Variants in DOT1L observed in about 807,000 individuals in gnomAD.
DOT1L encodes DOT1 like histone lysine methyltransferase, also known as histone-lysine N-methyltransferase, H3 lysine-79 specific.
Under a neutral mutation model 153.3 loss-of-function variants are expected in DOT1L, and 33 were observed. That is an observed-to-expected ratio of 0.22 (90% CI 0.16 to 0.29). DOT1L has a LOEUF of 0.29. Among genes scored for constraint, DOT1L ranks in the 10% least tolerant of loss-of-function variants. The pLI is 1.00. For synonymous variants in DOT1L, 1,135 were observed against 965.1 expected, an observed-to-expected ratio of 1.18 and a Z score of -3.26; for missense variants, 1,847 against 2,119.9, an observed-to-expected ratio of 0.87 and a Z score of 2.53.
intron 14 of DOT1L, 28 bp downstream of exon 14, chr19:2,210,883 G>A (rs771168856): frequency 6.8e-6 from 11 of 1,607,198 alleles, no homozygotes; most frequent in South Asian, 2.2e-5. Flanking sequence ...CACGGCCCCC[G>A]CTCTCCCCGA....
At position 2,207,297 on chromosome 19, in the gene DOT1L, T is replaced by C. The variant is rs910134114; in HGVS notation, c.857-277T>C. Among the ~76,000 whole-genome samples the C allele has an allele frequency of 2.6e-5, 4 of 152,216 alleles. No homozygotes were observed. Among genetic ancestry groups the C allele is most frequent in the Admixed American group, 6.5e-5 (1 of 15,282 alleles). On this transcript the variant is annotated intron_variant, in intron 10 of 27. Transcript: ENST00000398665. The surrounding 1 kb of genome is among the most constrained non-coding windows in gnomAD (Gnocchi z 4.5). The stretch of plus-strand genomic sequence containing the variant: ...GCTGGCCGTTCTTGCAGCCGTGATC[T>C]AAGTCGCTTCCAGATCTTCTCCCCC...
At chr19:2,215,399 G>A (rs2023861461) in intron 19 of DOT1L, 2 of 152,298 alleles carry the variant, frequency 1.3e-5, no homozygotes, top group African/African-American at 4.8e-5. Flanking sequence ...GTGCTGGTGG[G>A]CGGTGCCCAC....
At position 2,230,821 on chromosome 19, in the gene DOT1L, C is replaced by T. The variant is rs183086024; in HGVS notation, c.*1029C>T. The T allele has an allele frequency of 3.7e-4, 139 of 373,608 alleles. No homozygotes were observed. In the Middle Eastern group the frequency reaches 8.7e-3, roughly 23 times the overall value. 23.1% of individuals were successfully genotyped at this position (373,608 alleles called of 1,614,324 possible). On this transcript the variant is annotated 3_prime_UTR_variant, in exon 28 of 28. Transcript: ENST00000398665. ...GCCCCGACCCTAGACCCCTCAGTTG[C>T]AGCTCCCAGCAGCCCAGACAGAGCT...
At position 2,222,425 on chromosome 19, in the gene DOT1L, C is replaced by A; in HGVS notation, c.3256C>A (p.Arg1086Ser). 2.5e-6 allele frequency: 4 copies of A among 1,609,686 alleles called. No homozygotes were observed. Among genetic ancestry groups the A allele is most frequent in the Non-Finnish European group, 3.4e-6 (4 of 1,178,562 alleles). Residue 1086 changes from arginine (R) to serine (S), a missense_variant, in exon 24 of 28, where the codon CGC becomes AGC. Arg to Ser is a moderately radical substitution (Grantham distance 110). This residue lies in a region of DOT1L where 934 missense variants were observed against 825.3 expected (regional missense o/e 1.13). Transcript: ENST00000398665. The surrounding 1 kb of genome is among the most constrained non-coding windows in gnomAD (Gnocchi z 6.5). The part of the protein sequence containing the change: ...VPSHGQDSRR[R>S]GRRKRASAGT... ...GAGCCACGGGCAGGACAGTCGCAGG[C>A]GCGGCCGGCGGAAGCGAGCATCTGC...
intron 2 of DOT1L, among the ~76,000 whole-genome samples, chr19:2,181,740 C>T (rs1191294096): frequency 1.3e-5 from 2 of 152,032 alleles, no homozygotes; most frequent in Non-Finnish European, 2.9e-5. Context: ...GGCAGCTGGA[C>T]CCCAGCCCAG....
chr19:2,182,978 A>G (rs1428365349), intron 2 of DOT1L, among the ~76,000 whole-genome samples: 2 of 152,016 alleles, frequency 1.3e-5, no homozygotes, highest in Admixed American at 1.3e-4. Flanking sequence ...GTAGGCAGAG[A>G]CCTCGAAACT....
At position 2,217,936 on chromosome 19, in the gene DOT1L, G is replaced by T; in HGVS notation, c.2691+18G>T. ...AGAGGGCGGTGAGTGGCTCCCAGGT[G>T]GCTGTCCCCAAGGGCCACGTTGAGG... On this transcript the variant is annotated intron_variant, in intron 22 of 27. Coordinates refer to ENST00000398665, the MANE Select transcript of DOT1L (RefSeq NM_032482.3). This position sits in a 1 kb window ranked among gnomAD's most constrained non-coding sequence, Gnocchi z 7.3. 1 of 1,608,572 alleles carries T rather than the reference G, an allele frequency of 6.2e-7. No homozygotes were observed. The highest frequency in any genetic ancestry group is 8.5e-7 in the Non-Finnish European group (1 of 1,179,008).
intron 12 of DOT1L, among the ~76,000 whole-genome samples, chr19:2,210,039 G>A (rs1238698433): frequency 1.3e-5 from 2 of 152,236 alleles, no homozygotes; most frequent in South Asian, 2.1e-4. Flanking sequence ...GAGAGGGCAG[G>A]GGAGGCTGTG....
At chr19:2,189,582 G>A (rs988728618) in intron 3 of DOT1L, 150 bp from the exon 4 acceptor site, 85 of 785,424 alleles carry the variant, frequency 1.1e-4, no homozygotes, top group Non-Finnish European at 1.7e-4. Flanking sequence ...CGGAAAGCGA[G>A]GCTTCTGCCA....
chr19:2,168,947 CCTT>C (rs1466636262), intron 1 of DOT1L, among the ~76,000 whole-genome samples: 1 of 152,124 alleles, frequency 6.6e-6, no homozygotes, highest in Non-Finnish European at 1.5e-5. Context: ...ATGGCCCTGC[CCTT>C]CTTCTAGTGG....
intron 1 of DOT1L, among the ~76,000 whole-genome samples, chr19:2,178,554 C>G (rs924620939): frequency 1.3e-5 from 2 of 151,674 alleles, no homozygotes; most frequent in African/African-American, 4.8e-5. Context: ...AGTAGCTGGA[C>G]TACAGGCACC....
intron 1 of DOT1L, among the ~76,000 whole-genome samples, chr19:2,172,962 G>C (rs886588542): frequency 6.7e-6 from 1 of 149,988 alleles, no homozygotes; most frequent in East Asian, 2.0e-4. Flanking sequence ...GGGCAACTGC[G>C]CGAGACTCCA....
chr19:2,226,976 C>T lies in DOT1L; in HGVS notation c.4455C>T (p.Leu1485=), dbSNP rs778393601. The change falls in exon 27 of 28, where the codon CTC becomes CTT. Residue 1485 remains leucine (L), a synonymous_variant. Transcript: ENST00000398665. ...ALGPMSLQAN[L]GSVAGSSVLQ... is the part of the protein sequence containing the mutation. ...GCCCCATGTCCCTGCAGGCCAACCT[C>T]GGCTCCGTGGCCGGCTCCTCCGTGC... 22 of 1,591,736 alleles carry T rather than the reference C, an allele frequency of 1.4e-5. No individual in the cohort carries two copies. The East Asian group carries it at 3.8e-4, about 28-fold the overall frequency.
chr19:2,196,772 C>T (rs907229048), intron 7 of DOT1L, among the ~76,000 whole-genome samples: 1 of 152,144 alleles, frequency 6.6e-6, no homozygotes, highest in Non-Finnish European at 1.5e-5. Context: ...CCATGTGAGT[C>T]GTGAGGGCAA....
intron 16 of DOT1L, chr19:2,213,197 T>C (rs2023773922): frequency 8.6e-6 from 2 of 231,424 alleles, no homozygotes; most frequent in Non-Finnish European, 8.7e-6. Context: ...TCCTTGCAGA[T>C]CCATGTGAAA....
intron 8 of DOT1L, among the ~76,000 whole-genome samples, chr19:2,201,166 GTCCTCCCCGCATTCCTCGTCCTCCCCT>G (rs2023261861): frequency 9.6e-5 from 11 of 114,182 alleles, no homozygotes; most frequent in Admixed American, 1.8e-4. Context: ...CTCATTCCTC[GTCCTCCCCGCATTCCTCGTCCTCCCCT>G]CATTCCTCGT....
At position 2,208,147 on chromosome 19, in the gene DOT1L, C is replaced by T. The variant is rs565302387; in HGVS notation, c.963+467C>T. On this transcript the variant is annotated intron_variant, in intron 11 of 27. Transcript: ENST00000398665. The surrounding 1 kb of genome is among the most constrained non-coding windows in gnomAD (Gnocchi z 4.4). ...TGTTCCCCAGGGTCCTCTGACACAG[C>T]CCTGGGCCAGTGTGCGGCCTGCCTG... is the stretch of plus-strand genomic sequence containing the variant. 1.3e-5 allele frequency among the ~76,000 whole-genome samples: 2 copies of T among 152,224 alleles called. No homozygotes were observed. Among genetic ancestry groups the T allele is most frequent in the South Asian group, 4.1e-4 (2 of 4,828 alleles).
At chr19:2,211,683 C>T (rs994939858) in intron 15 of DOT1L, 68 bp from the exon 16 acceptor site, 2 of 1,384,804 alleles carry the variant, frequency 1.4e-6, no homozygotes, top group African/African-American at 2.9e-5. Context: ...TTCTCAAGGG[C>T]TGCTCCCACC....
At chr19:2,194,663 G>GTTGGCACATGGCTA in intron 7 of DOT1L, 86 bp downstream of exon 7, 2 of 1,442,408 alleles carry the variant, frequency 1.4e-6, no homozygotes, top group Non-Finnish European at 1.9e-6. Flanking sequence ...TCTTGCCGAT[G>GTTGGCACATGGCTA]TTGGCACATG....
Sources: gnomAD v4.1 joint callset for allele counts (sites outside exome capture counted in the v4.1 genomes callset) on GRCh38, gnomAD v4.1.1 for gene constraint, gnomAD v4.1.1 regional missense constraint, Gnocchi (gnomAD v3.1) non-coding constraint, MANE v1.5 for transcripts, NCBI Gene and HGNC (gene_info 2026-07-23, HGNC 2026-07-21) for gene names.